Variants in CDH13 observed in about 807,000 individuals in gnomAD.
CDH13 encodes cadherin-13.
In CDH13, 24 loss-of-function variants were observed where a neutral mutation model predicts 63.8. That is an observed-to-expected ratio of 0.38 (90% CI 0.27 to 0.53). The LOEUF (loss-of-function observed/expected upper bound fraction) is 0.53, where lower values mean the gene tolerates loss of function less well. Among genes scored for constraint, CDH13 ranks in the 20% least tolerant of loss-of-function variants. The pLI is 0.85. For synonymous variants in CDH13, 503 were observed against 355.3 expected, an observed-to-expected ratio of 1.42 and a Z score of -4.67; for missense variants, 1,049 against 903.1, an observed-to-expected ratio of 1.16 and a Z score of -2.07.
In CDH13 at chr16:83,796,003, C is replaced by T. The variant is rs1740356285; in HGVS notation, c.*973C>T. ...ATATATACCCACATGTACAGACATACATTTATGCACATTCACGCTGTTTGT... is the reference window on the plus strand; with the variant it reads ...ATATATACCCACATGTACAGACATATATTTATGCACATTCACGCTGTTTGT... On this transcript the variant is annotated 3_prime_UTR_variant, in exon 14 of 14. Transcript: ENST00000567109. The T allele has an allele frequency of 6.6e-6, 1 of 152,624 alleles. No homozygotes were observed. Among genetic ancestry groups the T allele is most frequent in the Non-Finnish European group, 1.5e-5 (1 of 68,044 alleles). The allele number at this position is 152,624 out of a possible 1,614,324, so 9.5% of individuals were successfully genotyped here. A position where few individuals can be genotyped will look rare whatever the true frequency, so the allele number is the denominator to read the frequency against.
At chr16:82,748,624 C>T (rs2034282606) in intron 1 of CDH13, among the ~76,000 whole-genome samples, 1 of 152,066 alleles carries the variant, frequency 6.6e-6, no homozygotes. Context: ...AAAGAGAAAA[C>T]TCTAAACTCT....
chr16:83,630,006 C>G (rs145299642), intron 8 of CDH13, among the ~76,000 whole-genome samples: 22 of 152,356 alleles, frequency 1.4e-4, no homozygotes, highest in African/African-American at 5.3e-4. Flanking sequence ...ACCACCCTTA[C>G]TTCCCACATG....
intron 1 of CDH13, among the ~76,000 whole-genome samples, chr16:82,789,467 T>C (rs768600769): frequency 9.2e-5 from 14 of 152,164 alleles, no homozygotes; most frequent in Non-Finnish European, 1.6e-4. Flanking sequence ...CTGTCTAGAC[T>C]TAGTGGTGTG....
intron 5 of CDH13, among the ~76,000 whole-genome samples, chr16:83,316,677 T>C (rs1489932978): frequency 1.3e-5 from 2 of 152,168 alleles, no homozygotes; most frequent in African/African-American, 4.8e-5. Context: ...TATGCAGAGT[T>C]TAATGTTAGA....
chr16:82,722,796 G>C (rs1472120528), intron 1 of CDH13, among the ~76,000 whole-genome samples: 1 of 152,150 alleles, frequency 6.6e-6, no homozygotes, highest in Non-Finnish European at 1.5e-5. Flanking sequence ...GGGTACCAGG[G>C]ATGCAGATAC....
At chr16:83,382,226 G>T (rs2091580969) in intron 6 of CDH13, among the ~76,000 whole-genome samples, 1 of 152,168 alleles carries the variant, frequency 6.6e-6, no homozygotes, top group Non-Finnish European at 1.5e-5. Flanking sequence ...TTAGCTTGCT[G>T]CCTGGCACAT....
chr16:83,098,423 C>T (rs1223445483), intron 3 of CDH13, among the ~76,000 whole-genome samples: 1 of 152,044 alleles, frequency 6.6e-6, no homozygotes, highest in African/African-American at 2.4e-5. Context: ...CATATTTTTC[C>T]ACATATACAC....
chr16:83,226,180 A>T (rs1322377797), intron 5 of CDH13, among the ~76,000 whole-genome samples: 4 of 152,038 alleles, frequency 2.6e-5, no homozygotes, highest in African/African-American at 7.3e-5. Context: ...GTCTCTTCGT[A>T]TTTCCAAGCA....
chr16:83,714,159 C>G (rs186261881), intron 10 of CDH13, among the ~76,000 whole-genome samples: 12 of 152,292 alleles, frequency 7.9e-5, no homozygotes, highest in Non-Finnish European at 1.5e-4. Flanking sequence ...GCAGAAGCCA[C>G]AACAATCCCA....
At chr16:83,629,681 G>A (rs934469380) in intron 8 of CDH13, among the ~76,000 whole-genome samples, 1 of 152,106 alleles carries the variant, frequency 6.6e-6, no homozygotes, top group Non-Finnish European at 1.5e-5. Context: ...GGACATAAAC[G>A]AGAAGTCTAC....
In CDH13 at chr16:82,748,009, C is replaced by G. The variant is rs73603181; in HGVS notation, c.46-110353C>G. On this transcript the variant is annotated intron_variant, in intron 1 of 13. Coordinates refer to ENST00000567109, the MANE Select transcript of CDH13 (RefSeq NM_001257.5). ...ACTTGAGGAAGTAGATTCCATTTTA[C>G]TTTTCCTTTATTTCCCAGATACAGA... Among the ~76,000 whole-genome samples the G allele has an allele frequency of 6.4e-3, 977 of 152,282 alleles. 13 individuals are homozygous for G. Among genetic ancestry groups the G allele is most frequent in the African/African-American group, 0.023 (939 of 41,560 alleles).
At chr16:82,874,638 G>A (rs2040446650) in intron 2 of CDH13, among the ~76,000 whole-genome samples, 1 of 152,118 alleles carries the variant, frequency 6.6e-6, no homozygotes, top group African/African-American at 2.4e-5. Flanking sequence ...TAGAGGAAGG[G>A]GGGATTCCAA....
At chr16:83,323,733 A>G (rs16960236) in intron 5 of CDH13, among the ~76,000 whole-genome samples, 2,749 of 152,330 alleles carry the variant, frequency 0.018, 40 homozygotes, top group African/African-American at 0.041. Context: ...AGTGACCACC[A>G]TAGTACAGGC....
chr16:83,418,529 G>T (rs9938891), intron 6 of CDH13, among the ~76,000 whole-genome samples: 10,891 of 152,166 alleles, frequency 0.072, 438 homozygotes, highest in African/African-American at 0.1. Context: ...TATAGTGAGG[G>T]TATGAGGCAG....
At chr16:83,154,660 A>T (rs2037132119) in intron 4 of CDH13, among the ~76,000 whole-genome samples, 1 of 152,178 alleles carries the variant, frequency 6.6e-6, no homozygotes, top group Admixed American at 6.5e-5. Context: ...AAGCTGACTG[A>T]TAAAACATTG....
At chr16:83,398,788 A>G (rs997871127) in intron 6 of CDH13, among the ~76,000 whole-genome samples, 1 of 152,242 alleles carries the variant, frequency 6.6e-6, no homozygotes, top group African/African-American at 2.4e-5. Flanking sequence ...GCACCTTTTC[A>G]GAAGAGTTCT....
intron 10 of CDH13, among the ~76,000 whole-genome samples, chr16:83,743,989 G>A (rs1567566839): frequency 1.3e-5 from 2 of 151,736 alleles, no homozygotes; most frequent in Admixed American, 1.3e-4. Flanking sequence ...TAACTGGGCC[G>A]CTTTTGACAA....
intron 3 of CDH13, among the ~76,000 whole-genome samples, chr16:83,079,926 A>C (rs1017149600): frequency 6.6e-6 from 1 of 152,242 alleles, no homozygotes; most frequent in Non-Finnish European, 1.5e-5. Context: ...CTGATAGACA[A>C]TGTCAACTGG....
chr16:83,228,445 G>A (rs559207716), intron 5 of CDH13, among the ~76,000 whole-genome samples: 16 of 152,320 alleles, frequency 1.1e-4, no homozygotes, highest in African/African-American at 3.8e-4. Flanking sequence ...AGAGATGAAG[G>A]AAGGGACACT....
Sources: allele counts gnomAD v4.1 joint callset (sites outside exome capture counted in the v4.1 genomes callset), GRCh38; gene constraint gnomAD v4.1.1; transcripts MANE v1.5; gene names NCBI Gene and HGNC (gene_info 2026-07-23, HGNC 2026-07-21).